Variants in ARL15 observed in about 807,000 individuals in gnomAD.
The protein encoded by ARL15 is ADP-ribosylation factor-like protein 15.
In ARL15, 19 loss-of-function variants were observed where a neutral mutation model predicts 25.2. The observed-to-expected ratio is 0.75, with a 90% CI of 0.53 to 1.10. The LOEUF is 1.10. Among genes scored for constraint, ARL15 ranks in the 50% least tolerant of loss-of-function variants. ARL15 has a pLI of 0.00. For synonymous variants in ARL15, 94 were observed against 86.8 expected, an observed-to-expected ratio of 1.08 and a Z score of -0.46; for missense variants, 220 against 246.0, an observed-to-expected ratio of 0.89 and a Z score of 0.71.
chr5:53,894,889 T>C (rs1744825800), intron 4 of ARL15, among the ~76,000 whole-genome samples: 1 of 152,180 alleles, frequency 6.6e-6, no homozygotes, highest in African/African-American at 2.4e-5. Flanking sequence ...GAAGGGGTCT[T>C]AGTAGCAGAG....
intron 3 of ARL15, among the ~76,000 whole-genome samples, chr5:54,123,404 C>T (rs1236647448): frequency 2.6e-5 from 4 of 152,168 alleles, no homozygotes; most frequent in African/African-American, 9.7e-5. Flanking sequence ...CCAACGCACC[C>T]GGCTCCTTTT....
At chr5:54,273,301 A>G (rs950056176) in intron 1 of ARL15, among the ~76,000 whole-genome samples, 2 of 152,208 alleles carry the variant, frequency 1.3e-5, no homozygotes, top group African/African-American at 4.8e-5. Flanking sequence ...AGCAACACCA[A>G]TGATGGGATA....
chr5:54,271,039 A>G (rs759464148), intron 1 of ARL15, among the ~76,000 whole-genome samples: 9 of 152,208 alleles, frequency 5.9e-5, no homozygotes, highest in Non-Finnish European at 1.2e-4. Flanking sequence ...CCAGGGTCCC[A>G]GGCCTTTGGA....
intron 1 of ARL15, chr5:54,285,267 AAG>A (rs1053817979): frequency 3.2e-6 from 2 of 630,954 alleles, no homozygotes; most frequent in Non-Finnish European, 2.0e-6. Flanking sequence ...CAATCTGTTT[AAG>A]AGAGGTCTAT....
At chr5:53,977,632 C>G (rs906190130) in intron 4 of ARL15, among the ~76,000 whole-genome samples, 3 of 151,956 alleles carry the variant, frequency 2.0e-5, no homozygotes, top group Non-Finnish European at 4.4e-5. Context: ...AGTGATTGAC[C>G]CTGCTGATAG....
At chr5:54,143,782 C>A (rs888609611) in intron 3 of ARL15, among the ~76,000 whole-genome samples, 1 of 151,858 alleles carries the variant, frequency 6.6e-6, no homozygotes, top group Non-Finnish European at 1.5e-5. Flanking sequence ...TGTATTTGAT[C>A]CCGGTGAACT....
intron 1 of ARL15, among the ~76,000 whole-genome samples, chr5:54,280,668 T>G (rs1248765535): frequency 1.3e-5 from 2 of 152,236 alleles, no homozygotes; most frequent in African/African-American, 4.8e-5. Context: ...ACAAATTCCT[T>G]AAGCATTTTG....
At chr5:54,119,240 C>A (rs780742632) in intron 3 of ARL15, among the ~76,000 whole-genome samples, 1 of 152,130 alleles carries the variant, frequency 6.6e-6, no homozygotes. Flanking sequence ...AAGGACTTCA[C>A]TTTCAAAAAT....
intron 4 of ARL15, among the ~76,000 whole-genome samples, chr5:53,898,897 T>C (rs1744964294): frequency 6.6e-6 from 1 of 152,064 alleles, no homozygotes; most frequent in South Asian, 2.1e-4. Context: ...CAAGCAATCC[T>C]CCTCTCTTGG....
At chr5:54,250,376 T>C (rs1470017491) in intron 1 of ARL15, among the ~76,000 whole-genome samples, 1 of 152,172 alleles carries the variant, frequency 6.6e-6, no homozygotes, top group Non-Finnish European at 1.5e-5. Context: ...ACAGGGCTTC[T>C]GGCTAAGCAG....
intron 4 of ARL15, among the ~76,000 whole-genome samples, chr5:54,059,608 A>G (rs567955360): frequency 1.3e-5 from 2 of 152,342 alleles, no homozygotes; most frequent in African/African-American, 2.4e-5. Flanking sequence ...AAAGATATAC[A>G]CTAAAGTTTC....
intron 1 of ARL15, among the ~76,000 whole-genome samples, chr5:54,265,237 C>G (rs887325905): frequency 6.6e-6 from 1 of 152,106 alleles, no homozygotes; most frequent in Non-Finnish European, 1.5e-5. Flanking sequence ...GTTCTTAGTA[C>G]AATTGTTATA....
intron 3 of ARL15, among the ~76,000 whole-genome samples, chr5:54,144,959 G>A (rs904092521): frequency 1.3e-5 from 2 of 152,100 alleles, no homozygotes; most frequent in Non-Finnish European, 2.9e-5. Flanking sequence ...TAATCCTGAC[G>A]AATTCCTCTT....
intron 4 of ARL15, among the ~76,000 whole-genome samples, chr5:54,014,496 C>T (rs770434309): frequency 6.7e-5 from 10 of 148,800 alleles, no homozygotes; most frequent in Admixed American, 1.4e-4. Context: ...CATCCCATAA[C>T]CTGTTTTGCC....
chr5:53,920,044 A>T (rs1745794943), intron 4 of ARL15, among the ~76,000 whole-genome samples: 1 of 152,186 alleles, frequency 6.6e-6, no homozygotes, highest in Non-Finnish European at 1.5e-5. Context: ...AGGTGCTCAA[A>T]AATTGGTAGC....
intron 1 of ARL15, among the ~76,000 whole-genome samples, chr5:54,256,960 T>G (rs879272243): frequency 6.6e-6 from 1 of 152,152 alleles, no homozygotes; most frequent in Non-Finnish European, 1.5e-5. Flanking sequence ...TCCATCCATA[T>G]ATGACAAACC....
At chr5:53,962,758 G>A (rs1747413047) in intron 4 of ARL15, among the ~76,000 whole-genome samples, 1 of 152,134 alleles carries the variant, frequency 6.6e-6, no homozygotes, top group Non-Finnish European at 1.5e-5. Context: ...AAGGATATAT[G>A]AAAATTTTGA....
chr5:54,136,948 C>T (rs1277692978), intron 3 of ARL15, among the ~76,000 whole-genome samples: 1 of 151,596 alleles, frequency 6.6e-6, no homozygotes, highest in Non-Finnish European at 1.5e-5. Flanking sequence ...TCACTACACT[C>T]TTGCCTGCCA....
At chr5:54,212,078 C>T (rs774239003) in intron 1 of ARL15, among the ~76,000 whole-genome samples, 39 of 152,224 alleles carry the variant, frequency 2.6e-4, no homozygotes, top group South Asian at 1.0e-3. Flanking sequence ...ATATTTAAGA[C>T]CTGCAGGCCA....
Sources: allele counts gnomAD v4.1 joint callset (sites outside exome capture counted in the v4.1 genomes callset), GRCh38; gene constraint gnomAD v4.1.1; transcripts MANE v1.5; gene names NCBI Gene and HGNC (gene_info 2026-07-23, HGNC 2026-07-21).